Variants in SESTD1 observed in about 807,000 individuals in gnomAD.
SESTD1 encodes the protein SEC14 and spectrin domain containing 1.
A neutral mutation model predicts 101.7 loss-of-function variants in SESTD1; 43 were observed. The observed-to-expected ratio is 0.42, with a 90% CI of 0.33 to 0.55. The LOEUF is 0.55. Ranked by LOEUF, SESTD1 falls within the 20% of genes least tolerant of loss-of-function variation. SESTD1 has a pLI of 0.07. For missense variants in SESTD1, 647 were observed against 815.1 expected (o/e 0.79, Z 2.51); for synonymous variants, 283 against 286.8 (o/e 0.99, Z 0.13).
chr2:179,211,657 T>C (rs1559145436), intron 1 of SESTD1, among the ~76,000 whole-genome samples: 1 of 133,694 alleles, frequency 7.5e-6, no homozygotes, highest in Non-Finnish European at 1.6e-5. Flanking sequence ...AAACACATCA[T>C]GGAATACTAC....
At chr2:179,230,517 C>T (rs932994658) in intron 1 of SESTD1, among the ~76,000 whole-genome samples, 1 of 151,090 alleles carries the variant, frequency 6.6e-6, no homozygotes, top group South Asian at 2.1e-4. Context: ...ATAGAATGGG[C>T]AAAAATAAAT....
intron 1 of SESTD1, among the ~76,000 whole-genome samples, chr2:179,193,180 T>C (rs2046342948): frequency 6.6e-6 from 1 of 152,188 alleles, no homozygotes; most frequent in South Asian, 2.1e-4. Flanking sequence ...GTTGTAACAT[T>C]GGTCAGATAA....
chr2:179,264,743 G>A lies in SESTD1; in HGVS notation c.-270C>T, dbSNP rs1385761818. The A allele has an allele frequency of 6.6e-6, 1 of 151,474 alleles. No individual in the cohort carries two copies. Among genetic ancestry groups the A allele is most frequent in the South Asian group, 1.8e-4 (1 of 5,612 alleles). The allele number at this position is 151,474 out of a possible 1,614,324, so 9.4% of individuals were successfully genotyped here. Reference sequence around the variant, plus strand: ...GGTGCGGGTGGCCCGGCGACCTCTCGGCACCCGCGGCCCGAGCCGCGTCCG... The same window carrying A: ...GGTGCGGGTGGCCCGGCGACCTCTCAGCACCCGCGGCCCGAGCCGCGTCCG... On this transcript the variant is annotated 5_prime_UTR_variant, in exon 1 of 18. Coordinates refer to ENST00000428443, the MANE Select transcript of SESTD1 (RefSeq NM_178123.5).
intron 5 of SESTD1, among the ~76,000 whole-genome samples, chr2:179,156,647 C>A (rs1464785022): frequency 1.3e-5 from 2 of 152,018 alleles, no homozygotes; most frequent in African/African-American, 4.8e-5. Flanking sequence ...CTATTCATGT[C>A]CTTAGCCTAC....
At chr2:179,185,733 T>TAATATAATATAGTATATTATATAC (rs2046213834) in intron 2 of SESTD1, among the ~76,000 whole-genome samples, 1 of 44,726 alleles carries the variant, frequency 2.2e-5, no homozygotes, top group Non-Finnish European at 4.1e-5. Context: ...ATATTATATA[T>TAATATAATATAGTATATTATATAC]AATATAATAT....
chr2:179,143,155 TATCA>T, intron 9 of SESTD1, among the ~76,000 whole-genome samples: 1 of 152,226 alleles, frequency 6.6e-6, no homozygotes, highest in Non-Finnish European at 1.5e-5. Flanking sequence ...TAATATTTTC[TATCA>T]ATATTATAAA....
In SESTD1 at chr2:179,264,813, C is replaced by A; in HGVS notation, c.-340G>T. The stretch of plus-strand genomic sequence containing the variant: ...GGGTGACGGCGGTACAGCAACCCGC[C>A]CGGCGCGGGAAGGAGGAAGGAGGCG... On this transcript the variant is annotated 5_prime_UTR_variant, in exon 1 of 18. Transcript: ENST00000428443. 1 of 150,932 alleles carries A rather than the reference C, an allele frequency of 6.6e-6. No homozygotes were observed. The highest frequency in any genetic ancestry group is 2.0e-4 in the South Asian group (1 of 4,916). 9.3% of individuals were successfully genotyped at this position (150,932 alleles called of 1,614,324 possible).
Position 179,143,678 on chromosome 2 carries a change from G to C in SESTD1, c.763C>G (p.Arg255Gly), listed in dbSNP as rs1325114856. The change falls in exon 9 of 18, where the codon CGA becomes GGA. Residue 255 changes from arginine to glycine, a missense_variant. Physicochemically the swap from Arg to Gly is moderately radical, Grantham distance 125. Coordinates refer to ENST00000428443, the MANE Select transcript of SESTD1 (RefSeq NM_178123.5). ...TCCTGGTAGCGGGTATATTGCTCTC[G>C]GAGTGAATCTAATAATTTCATAACC... ...PQVMKLLDSL[R>G]EQYTRYQEVC... is the part of the protein sequence containing the mutation. 2 of 1,613,856 alleles carry C rather than the reference G, an allele frequency of 1.2e-6. No homozygotes were observed. Among genetic ancestry groups the C allele is most frequent in the Non-Finnish European group, 1.7e-6 (2 of 1,179,870 alleles).
chr2:179,248,299 A>T (rs1026584674), intron 1 of SESTD1, among the ~76,000 whole-genome samples: 4 of 152,172 alleles, frequency 2.6e-5, no homozygotes, highest in Non-Finnish European at 5.9e-5. Flanking sequence ...AAAAAGAAAA[A>T]AGAAAAAAAG....
chr2:179,205,390 G>C (rs1169803859), intron 1 of SESTD1, among the ~76,000 whole-genome samples: 1 of 134,310 alleles, frequency 7.4e-6, no homozygotes, highest in African/African-American at 2.9e-5. Context: ...TAATATTATT[G>C]AAGATTTCCA....
rs2046550348 is a variant in SESTD1, at chr2:179,203,576, C to T, written c.-25-11710G>A. On this transcript the variant is annotated intron_variant, in intron 1 of 17. Coordinates refer to ENST00000428443, the MANE Select transcript of SESTD1 (RefSeq NM_178123.5). ...CATTAAACATCTCTTCTATAGGCTGCTCCTGAGTTGTATCCTTTATAATAG... is the reference window on the plus strand; with the variant it reads ...CATTAAACATCTCTTCTATAGGCTGTTCCTGAGTTGTATCCTTTATAATAG... Among the ~76,000 whole-genome samples the T allele has an allele frequency of 1.5e-5, 2 of 134,636 alleles. 1 individual carries two copies. Among genetic ancestry groups the T allele is most frequent in the Non-Finnish European group, 3.2e-5 (2 of 62,744 alleles). The allele number at this position is 134,636 out of a possible 152,430, so 88.3% of individuals were successfully genotyped here.
At chr2:179,193,851 A>C (rs2046353039) in intron 1 of SESTD1, among the ~76,000 whole-genome samples, 2 of 152,184 alleles carry the variant, frequency 1.3e-5, no homozygotes, top group Non-Finnish European at 2.9e-5. Context: ...GCCACCTTAT[A>C]AACTTTCAGA....
rs149322813 is a variant in SESTD1 at position 179,109,565 on chromosome 2, TAGAG to T, written c.*330_*333del. On this transcript the variant is annotated 3_prime_UTR_variant, in exon 18 of 18. Coordinates refer to ENST00000428443, the MANE Select transcript of SESTD1 (RefSeq NM_178123.5). ...GGGCAACTTTTTTTTTTCTTTTTAA[TAGAG>T]AGAATTCCTACTCTTATTAGCACCA... is the stretch of plus-strand genomic sequence containing the variant. The T allele has an allele frequency of 4.4e-4, 173 of 396,824 alleles. 1 individual carries two copies. Among genetic ancestry groups the T allele is most frequent in the Admixed American group, 1.1e-3 (26 of 22,986 alleles). The allele number at this position is 396,824 out of a possible 1,614,324, so 24.6% of individuals were successfully genotyped here.
intron 2 of SESTD1, among the ~76,000 whole-genome samples, chr2:179,185,388 T>TTG (rs1559133934): frequency 6.8e-6 from 1 of 146,200 alleles, no homozygotes; most frequent in African/African-American, 2.5e-5. Context: ...ATATTACATA[T>TTG]TGTATATATA....
At chr2:179,261,159 A>T (rs895685408) in intron 1 of SESTD1, among the ~76,000 whole-genome samples, 1 of 152,274 alleles carries the variant, frequency 6.6e-6, no homozygotes, top group African/African-American at 2.4e-5. Flanking sequence ...TGTGGAAAGC[A>T]GACCTACCTT....
At chr2:179,177,103 T>C (rs1226884677) in intron 3 of SESTD1, among the ~76,000 whole-genome samples, 1 of 152,206 alleles carries the variant, frequency 6.6e-6, no homozygotes, top group Non-Finnish European at 1.5e-5. Flanking sequence ...CTAACCCACT[T>C]ATGCTCTCAC....
rs1161968873 is a variant in SESTD1 at position 179,207,064 on chromosome 2, C to T, written c.-25-15198G>A. 2.3e-5 allele frequency among the ~76,000 whole-genome samples: 3 copies of T among 132,956 alleles called. 1 individual carries two copies. Among genetic ancestry groups the T allele is most frequent in the Admixed American group, 7.3e-5 (1 of 13,732 alleles). The allele number at this position is 132,956 out of a possible 152,430, so 87.2% of individuals were successfully genotyped here. A position where few individuals can be genotyped will look rare whatever the true frequency, so the allele number is the denominator to read the frequency against. On this transcript the variant is annotated intron_variant, in intron 1 of 17. Coordinates refer to ENST00000428443, the MANE Select transcript of SESTD1 (RefSeq NM_178123.5). ...ACAGAAACCCCCACCCAAAGAGAGT[C>T]GGAGCTCAGACTAGTCTAACCCTGC...
Position 179,149,289 on chromosome 2 carries a change from C to T in SESTD1, c.581+8G>A. 1 of 1,600,252 alleles carries T rather than the reference C, an allele frequency of 6.2e-7. No homozygotes were observed. Among genetic ancestry groups the T allele is most frequent in the Non-Finnish European group, 8.5e-7 (1 of 1,170,790 alleles). Reference sequence around the variant, plus strand: ...CAAGGATATAATTGCATGCCACTAGCCACCTACCTTTCTTTCTCTTGCTGA... The same window carrying T: ...CAAGGATATAATTGCATGCCACTAGTCACCTACCTTTCTTTCTCTTGCTGA... On this transcript the variant is annotated splice_region_variant and intron_variant, in intron 7 of 17. Transcript: ENST00000428443.
chr2:179,120,031 C>A (rs1159696296), intron 13 of SESTD1, among the ~76,000 whole-genome samples: 2 of 152,022 alleles, frequency 1.3e-5, no homozygotes, highest in Non-Finnish European at 2.9e-5. Flanking sequence ...GAGTTTGAAA[C>A]CAGCCTGGCT....
Sources: allele counts gnomAD v4.1 joint callset (sites outside exome capture counted in the v4.1 genomes callset), GRCh38; gene constraint gnomAD v4.1.1; transcripts MANE v1.5; gene names NCBI Gene and HGNC (gene_info 2026-07-23, HGNC 2026-07-21).